Variants in RNF152 observed in about 807,000 individuals in gnomAD.
RNF152 encodes the protein ring finger protein 152, also known as E3 ubiquitin-protein ligase RNF152.
Under a neutral mutation model 12.7 loss-of-function variants are expected in RNF152, and 11 were observed. The observed-to-expected ratio is 0.86, with a 90% confidence interval of 0.54 to 1.43. The LOEUF is 1.43. Ranked by LOEUF, RNF152 falls within the 40% of genes most tolerant of loss-of-function variation. The probability of loss-of-function intolerance (pLI) is 0.00; values close to 1 mark genes in which losing one functional copy is unlikely to be tolerated. For synonymous variants in RNF152, 113 were observed against 120.3 expected (o/e 0.94, Z 0.40); for missense variants, 255 against 274.8 (o/e 0.93, Z 0.51).
rs1478003790 is a variant in RNF152, at chr18:61,822,409, C to T, written c.-135-5811G>A. 2.6e-5 allele frequency among the ~76,000 whole-genome samples: 4 copies of T among 152,282 alleles called. No homozygotes were observed. In the South Asian group the frequency reaches 6.2e-4, roughly 24 times the overall value. On this transcript the variant is annotated intron_variant, in intron 1 of 1. Transcript: ENST00000312828. ...TGCTTTTGAAAGTCCTTTACAATAACAATTTACTTTCACAAAATAAAATTT... is the reference window on the plus strand; with the variant it reads ...TGCTTTTGAAAGTCCTTTACAATAATAATTTACTTTCACAAAATAAAATTT...
chr18:61,875,849 C>T (rs1013278816), intron 1 of RNF152, among the ~76,000 whole-genome samples: 24 of 152,094 alleles, frequency 1.6e-4, no homozygotes, highest in Non-Finnish European at 3.5e-4. Context: ...GGACCTCCCC[C>T]ACCCACCTCC....
intron 1 of RNF152, among the ~76,000 whole-genome samples, chr18:61,844,231 CGGGAG>C (rs1023112650): frequency 9.4e-5 from 7 of 74,454 alleles, no homozygotes; most frequent in Non-Finnish European, 1.4e-4. Flanking sequence ...AGGAGGGAGA[CGGGAG>C]GGGAGGGGAG....
chr18:61,824,517 C>G (rs1424047831), intron 1 of RNF152, among the ~76,000 whole-genome samples: 1 of 152,180 alleles, frequency 6.6e-6, no homozygotes, highest in Non-Finnish European at 1.5e-5. Context: ...GGCATATAAA[C>G]TACTTAGAAA....
intron 1 of RNF152, among the ~76,000 whole-genome samples, chr18:61,831,431 C>T (rs899886689): frequency 1.3e-5 from 2 of 152,166 alleles, no homozygotes; most frequent in African/African-American, 4.8e-5. Context: ...GTAGATGGCA[C>T]ACACTGGGCA....
intron 1 of RNF152, among the ~76,000 whole-genome samples, chr18:61,840,582 G>A (rs1314352249): frequency 6.6e-6 from 1 of 152,028 alleles, no homozygotes; most frequent in Non-Finnish European, 1.5e-5. Flanking sequence ...CTTCATAGAT[G>A]GATTTTCAGA....
chr18:61,846,402 T>C (rs565224475), intron 1 of RNF152, among the ~76,000 whole-genome samples: 5 of 152,260 alleles, frequency 3.3e-5, no homozygotes, highest in African/African-American at 1.2e-4. Context: ...TGCAATCTCA[T>C]CTCATTCAAT....
intron 1 of RNF152, among the ~76,000 whole-genome samples, chr18:61,863,433 CAAAAAAAAAAA>C (rs34663065): frequency 1.1e-5 from 1 of 90,960 alleles, no homozygotes; most frequent in Non-Finnish European, 2.2e-5. Context: ...GACTCCGTCT[CAAAAAAAAAAA>C]AAAAAAAAAA....
intron 1 of RNF152, among the ~76,000 whole-genome samples, chr18:61,835,552 C>T (rs1910142049): frequency 6.6e-6 from 1 of 152,134 alleles, no homozygotes. Flanking sequence ...CTCAATATGA[C>T]TTTTTTGAAT....
chr18:61,829,791 T>C (rs942463338), intron 1 of RNF152, among the ~76,000 whole-genome samples: 3 of 151,928 alleles, frequency 2.0e-5, no homozygotes, highest in Non-Finnish European at 2.9e-5. Flanking sequence ...TGAGAAGAAG[T>C]GAGAATATGA....
chr18:61,843,650 C>T lies in RNF152; in HGVS notation c.-135-27052G>A, dbSNP rs933814505. Among the ~76,000 whole-genome samples, 9 of 152,076 alleles carry T rather than the reference C, an allele frequency of 5.9e-5. No individual in the cohort carries two copies. In the South Asian group the frequency reaches 1.0e-3, roughly 17 times the overall value. The stretch of plus-strand genomic sequence containing the variant: ...AACAGCAGGAAATTCTGACACGTTA[C>T]GACATGGGTGAATTTTGAGGACATT... On this transcript the variant is annotated intron_variant, in intron 1 of 1. Transcript: ENST00000312828.
rs1912817103 is a variant in RNF152, at chr18:61,808,786, C to T, written c.*7066G>A. On this transcript the variant is annotated 3_prime_UTR_variant, in exon 2 of 2. Transcript: ENST00000312828. ...TCAGGATAGATCCACAGGAACAGGCCTTGCATTCCATGGTTAAGAGGATTC... is the reference window on the plus strand; with the variant it reads ...TCAGGATAGATCCACAGGAACAGGCTTTGCATTCCATGGTTAAGAGGATTC... 6.6e-6 allele frequency: 1 copy of T among 152,222 alleles called. No individual in the cohort carries two copies. 9.4% of individuals were successfully genotyped at this position (152,222 alleles called of 1,614,324 possible).
At chr18:61,844,060 A>ACAGAAAGAAAG (rs1910581673) in intron 1 of RNF152, among the ~76,000 whole-genome samples, 9 of 145,174 alleles carry the variant, frequency 6.2e-5, no homozygotes, top group African/African-American at 2.1e-4. Context: ...AAAGAAAGAG[A>ACAGAAAGAAAG]GAAAGACAGA....
At chr18:61,827,181 G>T (rs1364173173) in intron 1 of RNF152, among the ~76,000 whole-genome samples, 1 of 152,110 alleles carries the variant, frequency 6.6e-6, no homozygotes, top group African/African-American at 2.4e-5. Context: ...GTGTTCCTTT[G>T]CATAGCTATA....
chr18:61,856,104 C>T (rs951116147), intron 1 of RNF152, among the ~76,000 whole-genome samples: 1 of 152,292 alleles, frequency 6.6e-6, no homozygotes, highest in African/African-American at 2.4e-5. Flanking sequence ...GATGAGATGA[C>T]CTTCCAAGTT....
intron 1 of RNF152, among the ~76,000 whole-genome samples, chr18:61,844,092 A>AAGAAAGAAAGAAAGAAAGAAAG (rs1910602434): frequency 9.0e-6 from 1 of 110,974 alleles, no homozygotes; most frequent in Non-Finnish European, 2.1e-5. Flanking sequence ...GAAAGAAAGA[A>AAGAAAGAAAGAAAGAAAGAAAG]AGAAAGAAAG....
At chr18:61,819,185 G>T (rs1287036858) in intron 1 of RNF152, among the ~76,000 whole-genome samples, 2 of 152,202 alleles carry the variant, frequency 1.3e-5, no homozygotes, top group African/African-American at 4.8e-5. Context: ...TACAGTCTCT[G>T]ATACAGATGT....
rs145644970 is a variant in RNF152 at position 61,808,767 on chromosome 18, T to C, written c.*7085A>G. 2.6e-5 allele frequency: 4 copies of C among 152,364 alleles called. No individual in the cohort carries two copies. Among genetic ancestry groups the C allele is most frequent in the African/African-American group, 9.6e-5 (4 of 41,576 alleles). The allele number at this position is 152,364 out of a possible 1,614,324, so 9.4% of individuals were successfully genotyped here. ...CAGTACTGACATACTCAAGTCAGGA[T>C]AGATCCACAGGAACAGGCCTTGCAT... On this transcript the variant is annotated 3_prime_UTR_variant, in exon 2 of 2. Coordinates refer to ENST00000312828, the MANE Select transcript of RNF152 (RefSeq NM_173557.3).
rs1019154813 is a variant in RNF152 at position 61,814,429 on chromosome 18, A to G, written c.*1423T>C. On this transcript the variant is annotated 3_prime_UTR_variant, in exon 2 of 2. Coordinates refer to ENST00000312828, the MANE Select transcript of RNF152 (RefSeq NM_173557.3). ...TGAATTCCATAAAAGAAGTTAGATG[A>G]GAGCTGTAAAGCTCACAGCTATTTC... 1.3e-5 allele frequency: 2 copies of G among 152,266 alleles called. No individual in the cohort carries two copies. The highest frequency in any genetic ancestry group is 4.8e-5 in the African/African-American group (2 of 41,474). 9.4% of individuals were successfully genotyped at this position (152,266 alleles called of 1,614,324 possible). A position where few individuals can be genotyped will look rare whatever the true frequency, so the allele number is the denominator to read the frequency against.
chr18:61,873,371 T>A (rs886219896), intron 1 of RNF152, among the ~76,000 whole-genome samples: 12 of 152,368 alleles, frequency 7.9e-5, no homozygotes, highest in African/African-American at 2.9e-4. Context: ...AGAGTTTCGC[T>A]CTGTTGCCCA....
Sources: allele counts gnomAD v4.1 joint callset (sites outside exome capture counted in the v4.1 genomes callset), GRCh38; gene constraint gnomAD v4.1.1; transcripts MANE v1.5; gene names NCBI Gene and HGNC (gene_info 2026-07-23, HGNC 2026-07-21).